The following CUL1 variants were observed in gnomAD, a reference collection of about 807,000 sequenced individuals.
The protein encoded by CUL1 is cullin 1.
In CUL1, 24 loss-of-function variants were observed where a neutral mutation model predicts 118.0. The observed-to-expected ratio is 0.20, with a 90% CI of 0.15 to 0.29. The LOEUF is 0.29. Among genes scored for constraint, CUL1 ranks in the 10% least tolerant of loss-of-function variants. CUL1 has a pLI of 1.00. For missense variants in CUL1, 361 were observed against 933.8 expected, an observed-to-expected ratio of 0.39 and a Z score of 7.99; for synonymous variants, 332 against 340.4, an observed-to-expected ratio of 0.98 and a Z score of 0.27.
At chr7:148,701,873 G>A (rs974618355) in intron 1 of CUL1, among the ~76,000 whole-genome samples, 3 of 152,284 alleles carry the variant, frequency 2.0e-5, no homozygotes, top group Middle Eastern at 3.4e-3. Flanking sequence ...TCAGCCTTCC[G>A]TAGGTCCTAA....
chr7:148,699,356 C>T (rs947730846), intron 1 of CUL1, among the ~76,000 whole-genome samples: 2 of 151,952 alleles, frequency 1.3e-5, no homozygotes, highest in African/African-American at 2.4e-5. Context: ...GGCGCCGGCC[C>T]CTTTCCCCGC....
chr7:148,791,582 G>C (rs928102274), intron 16 of CUL1, among the ~76,000 whole-genome samples: 2 of 152,236 alleles, frequency 1.3e-5, no homozygotes, highest in Admixed American at 6.5e-5. Context: ...TGTGTCTGCC[G>C]TGTTAAGGCA....
intron 2 of CUL1, among the ~76,000 whole-genome samples, chr7:148,733,514 A>G (rs1798835379): frequency 6.6e-6 from 1 of 152,216 alleles, no homozygotes; most frequent in African/African-American, 2.4e-5. Flanking sequence ...TGCATAACAG[A>G]GCAGTTTTTC....
Position 148,715,783 on chromosome 7 carries a change from C to T in CUL1, c.-161-14179C>T, listed in dbSNP as rs1278530946. Among the ~76,000 whole-genome samples the T allele has an allele frequency of 5.3e-5, 8 of 152,298 alleles. No homozygotes were observed. The South Asian group carries it at 1.2e-3, about 24-fold the overall frequency. On this transcript the variant is annotated intron_variant, in intron 1 of 21. Transcript: ENST00000325222. ...CAACCTTTAAAAAAAACACATTCAA[C>T]TTATCTAAAATTAAGCTCTTCATCT... is the stretch of plus-strand genomic sequence containing the variant.
chr7:148,723,522 G>A (rs923505930), intron 1 of CUL1, among the ~76,000 whole-genome samples: 11 of 152,168 alleles, frequency 7.2e-5, no homozygotes, highest in African/African-American at 2.7e-4. Flanking sequence ...GTACATACAG[G>A]TGTTTATCAA....
chr7:148,772,414 CAAAAAAAAAACA>C (rs1800243465), intron 9 of CUL1, among the ~76,000 whole-genome samples: 1 of 50,014 alleles, frequency 2.0e-5, no homozygotes, highest in Non-Finnish European at 3.5e-5. Context: ...GACTCCGTCT[CAAAAAAAAAACA>C]AAAAAAAAAA....
At position 148,706,047 on chromosome 7, in the gene CUL1, G is replaced by A. The variant is rs931367059; in HGVS notation, c.-162+7018G>A. 2.0e-5 allele frequency among the ~76,000 whole-genome samples: 3 copies of A among 152,068 alleles called. No homozygotes were observed. The South Asian group carries it at 6.2e-4, about 32-fold the overall frequency. The stretch of plus-strand genomic sequence containing the variant: ...CATTTCACCCCGACCTCATGTGATG[G>A]GCCACGGTCAACATGCAGGTGCACA... On this transcript the variant is annotated intron_variant, in intron 1 of 21. Transcript: ENST00000325222.
intron 1 of CUL1, among the ~76,000 whole-genome samples, chr7:148,707,921 A>G (rs1797937651): frequency 2.0e-5 from 3 of 152,184 alleles, no homozygotes; most frequent in Admixed American, 2.0e-4. Context: ...AGAGGAGTTT[A>G]GGAAGCATCA....
chr7:148,736,189 C>G (rs754272033), intron 2 of CUL1, among the ~76,000 whole-genome samples: 2 of 152,132 alleles, frequency 1.3e-5, no homozygotes, highest in Non-Finnish European at 2.9e-5. Flanking sequence ...ATCAGGTTGA[C>G]AAACATTGTT....
chr7:148,754,640 G>C (rs927643486), intron 3 of CUL1, among the ~76,000 whole-genome samples: 1 of 152,146 alleles, frequency 6.6e-6, no homozygotes, highest in Non-Finnish European at 1.5e-5. Context: ...CCAATGTGGT[G>C]TTCCCTATCA....
chr7:148,723,200 A>G lies in CUL1; in HGVS notation c.-161-6762A>G, dbSNP rs564744666. On this transcript the variant is annotated intron_variant, in intron 1 of 21. Transcript: ENST00000325222. ...TGTGTCTGGCTGTACCTTTGCAGTT[A>G]CAAACTCTATGGGTTCTCCATCATC... Among the ~76,000 whole-genome samples, 41 of 152,244 alleles carry G rather than the reference A, an allele frequency of 2.7e-4. 1 individual carries two copies. The highest frequency in any genetic ancestry group is 1.9e-3 in the South Asian group (9 of 4,826).
Position 148,759,570 on chromosome 7 carries a change from T to C in CUL1, c.557T>C (p.Leu186Pro). 1 of 1,610,330 alleles carries C rather than the reference T, an allele frequency of 6.2e-7. No individual in the cohort carries two copies. The highest frequency in any genetic ancestry group is 8.5e-7 in the Non-Finnish European group (1 of 1,177,190). ...AAGGTAACAAATGCTGTTTTAAAGC[T>C]GATTGAAAAGGAAAGGAATGGTGAA... Reference protein sequence around the residue: ...NKQVTNAVLKLIEKERNGETI... With the variant: ...NKQVTNAVLKPIEKERNGETI... The change falls in exon 6 of 22, where the codon CTG becomes CCG. Residue 186 changes from leucine to proline, a missense_variant. By Grantham distance (98) the Leu-to-Pro change is moderately conservative (BLOSUM62 -3). This residue lies in a region of CUL1 where 169 missense variants were observed against 429.7 expected (regional missense o/e 0.39). Coordinates refer to ENST00000325222, the MANE Select transcript of CUL1 (RefSeq NM_003592.3).
chr7:148,779,838 A>G (rs1453879472), intron 9 of CUL1, among the ~76,000 whole-genome samples: 2 of 152,212 alleles, frequency 1.3e-5, no homozygotes, highest in African/African-American at 4.8e-5. Flanking sequence ...CATTTGAGTC[A>G]GTGGGCTGGG....
At chr7:148,768,972 C>T (rs571467111) in intron 9 of CUL1, among the ~76,000 whole-genome samples, 5 of 152,006 alleles carry the variant, frequency 3.3e-5, no homozygotes, top group Non-Finnish European at 7.4e-5. Flanking sequence ...GGAACTGGCT[C>T]AGCCGTGGAT....
intron 2 of CUL1, among the ~76,000 whole-genome samples, chr7:148,748,167 A>G (rs1799362901): frequency 6.6e-6 from 1 of 152,258 alleles, no homozygotes; most frequent in Non-Finnish European, 1.5e-5. Context: ...GAGTTAAAAT[A>G]GAAAATACAA....
At position 148,730,057 on chromosome 7, in the gene CUL1, A is replaced by C. The variant is rs140787727; in HGVS notation, c.-66A>C. On this transcript the variant is annotated 5_prime_UTR_variant, in exon 2 of 22. An upstream open reading frame in the 5' UTR loses its in-frame stop. Transcript: ENST00000325222. ...GGAATGGTACTGTATATTTTCATCT[A>C]ATGGAGAACTAGCTGTACTTTGAAT... 6.5e-7 allele frequency: 1 copy of C among 1,535,210 alleles called. No homozygotes were observed. The highest frequency in any genetic ancestry group is 8.8e-7 in the Non-Finnish European group (1 of 1,132,514).
At chr7:148,772,339 T>C (rs991093422) in intron 9 of CUL1, among the ~76,000 whole-genome samples, 4 of 151,086 alleles carry the variant, frequency 2.6e-5, no homozygotes, top group Admixed American at 1.3e-4. Context: ...CACTTGAACC[T>C]GGAAGTCGGA....
intron 9 of CUL1, among the ~76,000 whole-genome samples, chr7:148,777,453 G>C (rs1225205540): frequency 6.6e-6 from 1 of 152,182 alleles, no homozygotes; most frequent in Non-Finnish European, 1.5e-5. Context: ...ATATTCTGCT[G>C]TTGTTGGATG....
At chr7:148,769,978 T>C (rs1274669110) in intron 9 of CUL1, among the ~76,000 whole-genome samples, 2 of 152,230 alleles carry the variant, frequency 1.3e-5, no homozygotes, top group Admixed American at 6.5e-5. Flanking sequence ...AGGTGCTAAA[T>C]TGGAGAAATA....
Sources: allele counts gnomAD v4.1 joint callset (sites outside exome capture counted in the v4.1 genomes callset), GRCh38; gene constraint gnomAD v4.1.1; regional missense constraint gnomAD v4.1.1; transcripts MANE v1.5; gene names NCBI Gene and HGNC (gene_info 2026-07-23, HGNC 2026-07-21).